SNTG1: variants seen among roughly 807,000 people sequenced by gnomAD.
SNTG1 encodes syntrophin gamma 1, also known as gamma-1-syntrophin.
Under a neutral mutation model 74.7 loss-of-function variants are expected in SNTG1, and 39 were observed. That is an observed-to-expected ratio of 0.52 (90% CI 0.40 to 0.68). The LOEUF (loss-of-function observed/expected upper bound fraction) is 0.68. Ranked by LOEUF, SNTG1 falls within the 30% of genes least tolerant of loss-of-function variation. The pLI, the probability that SNTG1 is intolerant of heterozygous loss-of-function variation, is 0.00. For missense variants in SNTG1, 685 were observed against 609.5 expected (o/e 1.12, Z -1.30); for synonymous variants, 254 against 217.1 (o/e 1.17, Z -1.49).
intron 13 of SNTG1, among the ~76,000 whole-genome samples, chr8:50,592,601 A>C (rs1292223974): frequency 6.6e-6 from 1 of 152,140 alleles, no homozygotes; most frequent in African/African-American, 2.4e-5. Context: ...ACAAGTAATA[A>C]AAACTTTAAT....
At chr8:50,403,355 A>G (rs911439382) in intron 4 of SNTG1, among the ~76,000 whole-genome samples, 2 of 152,200 alleles carry the variant, frequency 1.3e-5, no homozygotes, top group African/African-American at 4.8e-5. Flanking sequence ...GATAATGGAC[A>G]TTTTGCAGAC....
At chr8:50,676,036 T>G (rs940893888) in intron 15 of SNTG1, among the ~76,000 whole-genome samples, 13 of 152,028 alleles carry the variant, frequency 8.6e-5, no homozygotes, top group Non-Finnish European at 1.8e-4. Context: ...GTAAGTGACC[T>G]GGCCTTTCTC....
In SNTG1 at chr8:50,103,236, T is replaced by C. The variant is rs1415207229; in HGVS notation, c.-102-69325T>C. Among the ~76,000 whole-genome samples the C allele has an allele frequency of 2.0e-5, 3 of 152,344 alleles. No homozygotes were observed. In the East Asian group the frequency reaches 5.8e-4, roughly 29 times the overall value. ...TTCTTTGTATCCTCTTTTATTTCAT[T>C]GAGCAGTGGTTTGTAGTTCTTCTTG... On this transcript the variant is annotated intron_variant, in intron 1 of 18. Coordinates refer to ENST00000642720, the MANE Select transcript of SNTG1 (RefSeq NM_018967.5).
rs58740018 is a variant in SNTG1 at position 49,921,236 on chromosome 8, A to G, written c.-103+9005A>G. Among the ~76,000 whole-genome samples, 860 of 152,198 alleles carry G rather than the reference A, an allele frequency of 5.7e-3. 6 individuals are homozygous for G. The highest frequency in any genetic ancestry group is 0.015 in the African/African-American group (616 of 41,552). ...AAAAAATAAGAGAAAAGAAGGTCAT[A>G]AAAGAGTCGTAGAAAGTGTAGGGGA... On this transcript the variant is annotated intron_variant, in intron 1 of 18. Coordinates refer to ENST00000642720, the MANE Select transcript of SNTG1 (RefSeq NM_018967.5).
intron 11 of SNTG1, 97 bp downstream of exon 11, chr8:50,536,905 G>C: frequency 1.4e-6 from 2 of 1,402,834 alleles, no homozygotes; most frequent in Admixed American, 2.2e-5. Context: ...TATGATTTTA[G>C]TATGTTTTTG....
intron 1 of SNTG1, among the ~76,000 whole-genome samples, chr8:50,129,854 T>C (rs1348901440): frequency 2.6e-5 from 4 of 152,080 alleles, no homozygotes; most frequent in Non-Finnish European, 5.9e-5. Context: ...CCCAGACTAG[T>C]CTCCAACCCC....
chr8:50,708,843 C>A, intron 16 of SNTG1, 43 bp from the exon 17 acceptor site: 2 of 1,258,910 alleles, frequency 1.6e-6, no homozygotes, highest in Non-Finnish European at 2.3e-6. Context: ...ATTGATATTG[C>A]ATCAATAACA....
chr8:49,960,977 G>T (rs180901085), intron 1 of SNTG1, among the ~76,000 whole-genome samples: 1 of 152,264 alleles, frequency 6.6e-6, no homozygotes, highest in African/African-American at 2.4e-5. Flanking sequence ...TACCTGTATA[G>T]GAAAATGTGC....
chr8:50,023,117 G>C (rs925547820), intron 1 of SNTG1, among the ~76,000 whole-genome samples: 1 of 152,152 alleles, frequency 6.6e-6, no homozygotes, highest in African/African-American at 2.4e-5. Context: ...TGGTGAAGTG[G>C]AAGTCCTTTC....
At chr8:50,459,181 T>C (rs2131670788) in intron 8 of SNTG1, among the ~76,000 whole-genome samples, 1 of 152,298 alleles carries the variant, frequency 6.6e-6, no homozygotes, top group Middle Eastern at 3.4e-3. Flanking sequence ...TGAGTTGCCC[T>C]AAATGTTAGA....
chr8:50,244,898 T>C (rs1044928386), intron 2 of SNTG1, among the ~76,000 whole-genome samples: 2 of 152,230 alleles, frequency 1.3e-5, no homozygotes, highest in Non-Finnish European at 2.9e-5. Context: ...AAAGGATAGA[T>C]AGACATTCTA....
At chr8:50,510,755 G>A (rs992169191) in intron 9 of SNTG1, among the ~76,000 whole-genome samples, 90 of 151,978 alleles carry the variant, frequency 5.9e-4, no homozygotes, top group African/African-American at 2.1e-3. Flanking sequence ...TGGGATCGGT[G>A]GTGATATCCC....
chr8:49,930,391 A>G (rs920591187), intron 1 of SNTG1, among the ~76,000 whole-genome samples: 1 of 152,138 alleles, frequency 6.6e-6, no homozygotes, highest in Non-Finnish European at 1.5e-5. Context: ...CTCAATATAT[A>G]GATTTTTATT....
intron 13 of SNTG1, among the ~76,000 whole-genome samples, chr8:50,630,340 C>T (rs115797506): frequency 5.9e-4 from 90 of 152,244 alleles, no homozygotes; most frequent in African/African-American, 2.1e-3. Context: ...ATGCAGCAAT[C>T]ATATGCCTTG....
At chr8:50,645,877 A>C (rs1249740920) in intron 13 of SNTG1, among the ~76,000 whole-genome samples, 1 of 151,754 alleles carries the variant, frequency 6.6e-6, no homozygotes, top group African/African-American at 2.4e-5. Context: ...ATGATTTTAC[A>C]ATGAGGAAAT....
At chr8:50,514,954 A>G (rs2094118669) in intron 9 of SNTG1, among the ~76,000 whole-genome samples, 1 of 152,214 alleles carries the variant, frequency 6.6e-6, no homozygotes, top group Non-Finnish European at 1.5e-5. Flanking sequence ...TGGTGAATTG[A>G]CAGTTTTACT....
At chr8:50,118,746 TC>T (rs1461420590) in intron 1 of SNTG1, among the ~76,000 whole-genome samples, 1 of 142,730 alleles carries the variant, frequency 7.0e-6, no homozygotes, top group African/African-American at 2.5e-5. Context: ...ATTCTTAAAT[TC>T]CACATTGTTT....
chr8:50,409,769 G>T (rs539590325), intron 4 of SNTG1, among the ~76,000 whole-genome samples: 1 of 152,118 alleles, frequency 6.6e-6, no homozygotes, highest in African/African-American at 2.4e-5. Flanking sequence ...AAATATTGAC[G>T]AAATATTTTT....
At chr8:50,344,679 G>A (rs2091419972) in intron 2 of SNTG1, among the ~76,000 whole-genome samples, 4 of 152,236 alleles carry the variant, frequency 2.6e-5, no homozygotes, top group South Asian at 2.1e-4. Context: ...TGCTCAAGGC[G>A]AAGATCCAGC....
Sources: allele counts gnomAD v4.1 joint callset (sites outside exome capture counted in the v4.1 genomes callset), GRCh38; gene constraint gnomAD v4.1.1; transcripts MANE v1.5; gene names NCBI Gene and HGNC (gene_info 2026-07-23, HGNC 2026-07-21).